The following DPF3 variants were observed in gnomAD, a reference collection of about 807,000 sequenced individuals.
DPF3 encodes the protein double PHD fingers 3.
In DPF3, 18 loss-of-function variants were observed where a neutral mutation model predicts 56.8. The ratio of observed to expected loss-of-function variants is 0.32; its 90% CI spans 0.22 to 0.47. The LOEUF (loss-of-function observed/expected upper bound fraction) is 0.47. Among genes scored for constraint, DPF3 ranks in the 20% least tolerant of loss-of-function variants. DPF3 has a pLI of 1.00. For synonymous variants in DPF3, 188 were observed against 180.2 expected (o/e 1.04, Z -0.35); for missense variants, 403 against 488.8 (o/e 0.82, Z 1.65).
chr14:72,740,441 G>A (rs953436941), intron 3 of DPF3, among the ~76,000 whole-genome samples: 2 of 152,176 alleles, frequency 1.3e-5, no homozygotes, highest in South Asian at 2.1e-4. Context: ...AGCTATGCAC[G>A]ATATGGACAG....
chr14:72,756,807 TGAAAGAAAGAAAGACAGAAA>T (rs1391371559), intron 2 of DPF3, among the ~76,000 whole-genome samples: 2 of 86,970 alleles, frequency 2.3e-5, no homozygotes, highest in African/African-American at 8.9e-5. Flanking sequence ...CAAGATTCTG[TGAAAGAAAGAAAGACAGAAA>T]GAAAGAAAGA....
chr14:72,776,506 T>A (rs372503512), intron 1 of DPF3, among the ~76,000 whole-genome samples: 1 of 152,132 alleles, frequency 6.6e-6, no homozygotes, highest in South Asian at 2.1e-4. Context: ...TCTGTGGAGA[T>A]GGACTCCAGG....
intron 1 of DPF3, among the ~76,000 whole-genome samples, chr14:72,792,841 T>C (rs72730344): frequency 0.15 from 22,196 of 151,944 alleles, 1,751 homozygotes; most frequent in Middle Eastern, 0.32. Context: ...AGATTGCTGC[T>C]GCTGCTTCTC....
At chr14:72,743,884 C>G (rs1257663799) in intron 3 of DPF3, among the ~76,000 whole-genome samples, 1 of 152,252 alleles carries the variant, frequency 6.6e-6, no homozygotes, top group African/African-American at 2.4e-5. Context: ...GCATTCGCCT[C>G]TGTGGCCAAG....
At chr14:72,749,981 G>A in intron 3 of DPF3, among the ~76,000 whole-genome samples, 1 of 152,170 alleles carries the variant, frequency 6.6e-6, no homozygotes, top group East Asian at 1.9e-4. Context: ...TAAACCCTGG[G>A]ATTTACTGGT....
At chr14:72,874,872 A>G (rs1053891040) in intron 1 of DPF3, among the ~76,000 whole-genome samples, 2 of 152,090 alleles carry the variant, frequency 1.3e-5, no homozygotes, top group Non-Finnish European at 2.9e-5. Context: ...GCCCCACTCT[A>G]TTGGTACCAA....
At chr14:72,801,035 C>T (rs1287909968) in intron 1 of DPF3, among the ~76,000 whole-genome samples, 1 of 152,166 alleles carries the variant, frequency 6.6e-6, no homozygotes, top group Admixed American at 6.5e-5. Flanking sequence ...GTGCTCCTCC[C>T]TCTCAAGCCA....
At chr14:72,803,407 G>A (rs1892964634) in intron 1 of DPF3, among the ~76,000 whole-genome samples, 1 of 152,196 alleles carries the variant, frequency 6.6e-6, no homozygotes, top group Admixed American at 6.5e-5. Flanking sequence ...TGGGGAGAGG[G>A]AGAAACAAGA....
intron 7 of DPF3, among the ~76,000 whole-genome samples, chr14:72,690,559 C>T (rs1887632459): frequency 6.7e-6 from 1 of 150,308 alleles, no homozygotes; most frequent in Admixed American, 6.6e-5. Flanking sequence ...CACACATGCA[C>T]GCACACACAC....
At chr14:72,764,521 G>GAAT (rs577726815) in intron 2 of DPF3, among the ~76,000 whole-genome samples, 32 of 108,074 alleles carry the variant, frequency 3.0e-4, no homozygotes, top group Middle Eastern at 9.3e-3. Context: ...TTTTGAGGCG[G>GAAT]AATGTCGCCC....
At chr14:72,863,076 A>G (rs61986355) in intron 1 of DPF3, among the ~76,000 whole-genome samples, 1 of 4,746 alleles carries the variant, frequency 2.1e-4, no homozygotes, top group Non-Finnish European at 3.7e-4. Context: ...ATATATATAT[A>G]TATATATATA....
At chr14:72,732,231 C>T (rs560221178) in intron 3 of DPF3, among the ~76,000 whole-genome samples, 4 of 152,354 alleles carry the variant, frequency 2.6e-5, no homozygotes, top group Admixed American at 1.3e-4. Context: ...GCCATGACAT[C>T]GGACAAGGCA....
intron 2 of DPF3, among the ~76,000 whole-genome samples, chr14:72,759,598 G>GAAGA (rs1555504261): frequency 2.7e-5 from 4 of 150,340 alleles, no homozygotes; most frequent in African/African-American, 7.3e-5. Context: ...AGGAAGGAAG[G>GAAGA]AAGAAAGAAA....
intron 1 of DPF3, among the ~76,000 whole-genome samples, chr14:72,890,318 C>T (rs1012127058): frequency 4.0e-5 from 6 of 151,884 alleles, no homozygotes; most frequent in African/African-American, 7.3e-5. Flanking sequence ...GGAGAAACCC[C>T]GTCTCCACTA....
At chr14:72,793,687 A>T (rs1205933391) in intron 1 of DPF3, among the ~76,000 whole-genome samples, 1 of 152,206 alleles carries the variant, frequency 6.6e-6, no homozygotes, top group Non-Finnish European at 1.5e-5. Flanking sequence ...CCCAGGGGAG[A>T]GAGAGACATT....
chr14:72,822,823 T>C (rs1883613586), intron 1 of DPF3, among the ~76,000 whole-genome samples: 1 of 152,150 alleles, frequency 6.6e-6, no homozygotes, highest in Admixed American at 6.5e-5. Flanking sequence ...TACGTTGCAT[T>C]ATATCCCCTT....
chr14:72,804,722 TG>T (rs1248062465), intron 1 of DPF3, among the ~76,000 whole-genome samples: 9 of 152,178 alleles, frequency 5.9e-5, no homozygotes, highest in Non-Finnish European at 1.3e-4. Context: ...CAAAGGTAGT[TG>T]AATCTGATTC....
intron 1 of DPF3, among the ~76,000 whole-genome samples, chr14:72,775,624 CT>C (rs1279156832): frequency 2.6e-5 from 4 of 152,152 alleles, no homozygotes; most frequent in African/African-American, 9.7e-5. Context: ...TGATACCTGT[CT>C]TATGTAAACA....
At chr14:72,711,820 CT>C in intron 6 of DPF3, among the ~76,000 whole-genome samples, 1 of 152,084 alleles carries the variant, frequency 6.6e-6, no homozygotes, top group Non-Finnish European at 1.5e-5. Flanking sequence ...GAAAGGGCAG[CT>C]TATGGTAACA....
Sources: gnomAD v4.1 joint callset for allele counts (sites outside exome capture counted in the v4.1 genomes callset) on GRCh38, gnomAD v4.1.1 for gene constraint, MANE v1.5 for transcripts, NCBI Gene and HGNC (gene_info 2026-07-23, HGNC 2026-07-21) for gene names.